TTC28: variants seen among roughly 807,000 people sequenced by gnomAD.
The protein encoded by TTC28 is tetratricopeptide repeat domain 28.
In TTC28, 61 loss-of-function variants were observed where a neutral mutation model predicts 198.0. The ratio of observed to expected loss-of-function variants is 0.31; its 90% CI spans 0.25 to 0.38. The LOEUF (loss-of-function observed/expected upper bound fraction) is 0.38. Among genes scored for constraint, TTC28 ranks in the 10% least tolerant of loss-of-function variants. TTC28 has a pLI of 1.00. For synonymous variants in TTC28, 1,171 were observed against 1,297.8 expected (o/e 0.90, Z 2.10); for missense variants, 2,678 against 3,164.0 (o/e 0.85, Z 3.69).
chr22:28,635,049 C>T (rs975770670), intron 1 of TTC28, among the ~76,000 whole-genome samples: 10 of 152,048 alleles, frequency 6.6e-5, no homozygotes, highest in African/African-American at 2.2e-4. Flanking sequence ...GGGATGGGCA[C>T]GGTGGCTCAC....
rs2048229290 is a variant in TTC28 at position 28,480,387 on chromosome 22, C to T, written c.381+149165G>A. Among the ~76,000 whole-genome samples the T allele has an allele frequency of 2.6e-5, 4 of 152,194 alleles. No homozygotes were observed. In the South Asian group the frequency reaches 8.3e-4, roughly 32 times the overall value. ...TGACCTCATCACCAACTTCTTGGCG[C>T]TAATCTCAGGTCACAAACTCTACAG... On this transcript the variant is annotated intron_variant, in intron 2 of 22. Coordinates refer to ENST00000397906, the MANE Select transcript of TTC28 (RefSeq NM_001145418.2).
At chr22:28,219,632 C>T (rs1569205951) in intron 5 of TTC28, among the ~76,000 whole-genome samples, 2 of 152,066 alleles carry the variant, frequency 1.3e-5, no homozygotes, top group African/African-American at 2.4e-5. Context: ...CTCTCCCCTA[C>T]GTAAAATAAG....
intron 2 of TTC28, among the ~76,000 whole-genome samples, chr22:28,320,239 G>A (rs1330747452): frequency 6.6e-6 from 1 of 151,848 alleles, no homozygotes; most frequent in East Asian, 1.9e-4. Flanking sequence ...ATGATTTCTT[G>A]GAGAATGTTC....
intron 12 of TTC28, 92 bp from the exon 13 acceptor site, chr22:28,030,458 A>C: frequency 6.8e-7 from 1 of 1,479,570 alleles, no homozygotes; most frequent in Non-Finnish European, 9.1e-7. Context: ...TCTGTCACCA[A>C]ACGAACCTCT....
chr22:28,150,444 A>G (rs1365096871), intron 6 of TTC28, among the ~76,000 whole-genome samples: 1 of 152,208 alleles, frequency 6.6e-6, no homozygotes, highest in African/African-American at 2.4e-5. Flanking sequence ...CTGATGCTCT[A>G]TATTTTCTGC....
chr22:28,286,397 T>A (rs548044415), intron 5 of TTC28, among the ~76,000 whole-genome samples: 1 of 152,260 alleles, frequency 6.6e-6, no homozygotes, highest in South Asian at 2.1e-4. Flanking sequence ...TATAAAAAAT[T>A]AATGAGATAC....
chr22:28,285,955 T>C (rs1409775944), intron 5 of TTC28, among the ~76,000 whole-genome samples: 1 of 151,966 alleles, frequency 6.6e-6, no homozygotes, highest in Non-Finnish European at 1.5e-5. Context: ...TACAAAACAA[T>C]GTAGTTGATC....
intron 1 of TTC28, among the ~76,000 whole-genome samples, chr22:28,646,522 C>T (rs2051469958): frequency 6.6e-6 from 1 of 152,110 alleles, no homozygotes; most frequent in African/African-American, 2.4e-5. Flanking sequence ...ATCAGGATAC[C>T]AATGTCATTT....
intron 2 of TTC28, among the ~76,000 whole-genome samples, chr22:28,339,993 G>A (rs1275496907): frequency 6.6e-6 from 1 of 152,188 alleles, no homozygotes; most frequent in Non-Finnish European, 1.5e-5. Flanking sequence ...TACGCTGGGA[G>A]CTGTAGACTG....
intron 12 of TTC28, 98 bp from the exon 13 acceptor site, chr22:28,030,464 C>A: frequency 6.9e-7 from 1 of 1,446,164 alleles, no homozygotes; most frequent in South Asian, 1.4e-5. Context: ...ACCAAACGAA[C>A]CTCTAGTACC....
At position 27,983,026 on chromosome 22, in the gene TTC28, A is replaced by C; in HGVS notation, c.6641T>G (p.Phe2214Cys). ...AVFRASETSA[F>C]SRPVLSHQKS... ...CTGATGGGAGAGAACAGGCCTGCTG[A>C]ACGCACTGGTTTCTGACGCTCTGAA... is the stretch of plus-strand genomic sequence containing the variant. The change falls in exon 23 of 23, where the codon TTC (phenylalanine) becomes TGC (cysteine). Residue 2214 changes from phenylalanine (F) to cysteine (C), a missense_variant. By Grantham distance (205) the Phe-to-Cys change is radical. Around this residue, in one of 8 missense-constraint regions of TTC28, gnomAD observed 622 missense variants for 656.0 expected, o/e 0.95. Transcript: ENST00000397906. 2 of 1,551,632 alleles carry C rather than the reference A, an allele frequency of 1.3e-6. No homozygotes were observed. The highest frequency in any genetic ancestry group is 1.7e-6 in the Non-Finnish European group (2 of 1,146,978).
chr22:28,362,246 A>G (rs1266025684), intron 2 of TTC28, among the ~76,000 whole-genome samples: 1 of 152,168 alleles, frequency 6.6e-6, no homozygotes, highest in African/African-American at 2.4e-5. Flanking sequence ...ATGATAGTGA[A>G]TAAGTCTCAT....
At chr22:28,354,785 A>T (rs928408912) in intron 2 of TTC28, among the ~76,000 whole-genome samples, 2 of 152,180 alleles carry the variant, frequency 1.3e-5, no homozygotes, top group South Asian at 2.1e-4. Context: ...ACTGATATAT[A>T]TATCAACATG....
At position 28,205,676 on chromosome 22, in the gene TTC28, T is replaced by G. The variant is rs191196162; in HGVS notation, c.934-42077A>C. On this transcript the variant is annotated intron_variant, in intron 5 of 22. Coordinates refer to ENST00000397906, the MANE Select transcript of TTC28 (RefSeq NM_001145418.2). ...ATTTGATGGGATAAATATATATAAATTAAATTTCTGAAAGCAGGGCCAACT... is the reference window on the plus strand; with the variant it reads ...ATTTGATGGGATAAATATATATAAAGTAAATTTCTGAAAGCAGGGCCAACT... 3.5e-3 allele frequency among the ~76,000 whole-genome samples: 529 copies of G among 152,150 alleles called. 3 individuals carry two copies. The highest frequency in any genetic ancestry group is 0.012 in the African/African-American group (513 of 41,522).
intron 12 of TTC28, among the ~76,000 whole-genome samples, chr22:28,050,748 A>C (rs1409042034): frequency 6.6e-6 from 1 of 152,160 alleles, no homozygotes; most frequent in African/African-American, 2.4e-5. Flanking sequence ...GGATAATGAG[A>C]ATATTATAGC....
At chr22:28,615,563 T>G (rs1230878594) in intron 2 of TTC28, among the ~76,000 whole-genome samples, 1 of 152,140 alleles carries the variant, frequency 6.6e-6, no homozygotes, top group Non-Finnish European at 1.5e-5. Context: ...TGCCCATCAA[T>G]GATAGACTGG....
intron 2 of TTC28, among the ~76,000 whole-genome samples, chr22:28,311,437 T>C (rs553936518): frequency 3.3e-5 from 5 of 152,320 alleles, no homozygotes; most frequent in Admixed American, 2.6e-4. Context: ...CTTTGTTCAA[T>C]TGTGATGGAA....
intron 2 of TTC28, among the ~76,000 whole-genome samples, chr22:28,450,108 T>G (rs1013343644): frequency 2.0e-5 from 3 of 152,118 alleles, no homozygotes; most frequent in African/African-American, 7.2e-5. Flanking sequence ...ATGTAGATAT[T>G]GATATAGATA....
At chr22:28,554,175 GC>G (rs1358655325) in intron 2 of TTC28, among the ~76,000 whole-genome samples, 10 of 150,300 alleles carry the variant, frequency 6.7e-5, no homozygotes, top group Non-Finnish European at 1.3e-4. Context: ...CTTGAAGGCA[GC>G]ATGCTGGTTA....
Sources: gnomAD v4.1 joint callset for allele counts (sites outside exome capture counted in the v4.1 genomes callset) on GRCh38, gnomAD v4.1.1 for gene constraint, gnomAD v4.1.1 regional missense constraint, MANE v1.5 for transcripts, NCBI Gene and HGNC (gene_info 2026-07-23, HGNC 2026-07-21) for gene names.